Variants in GSE1 observed in about 807,000 individuals in gnomAD.
The protein encoded by GSE1 is Gse1 coiled-coil protein.
Under a neutral mutation model 112.6 loss-of-function variants are expected in GSE1, and 32 were observed. The ratio of observed to expected loss-of-function variants is 0.28; its 90% CI spans 0.21 to 0.38. The LOEUF (loss-of-function observed/expected upper bound fraction) is 0.38. Among genes scored for constraint, GSE1 ranks in the 10% least tolerant of loss-of-function variants. GSE1 has a pLI of 1.00. For synonymous variants in GSE1, 1,115 were observed against 735.6 expected, an observed-to-expected ratio of 1.52 and a Z score of -8.35; for missense variants, 2,348 against 1,699.2, an observed-to-expected ratio of 1.38 and a Z score of -6.71.
chr16:85,589,566 C>T lies in GSE1; in HGVS notation c.37+33203C>T, dbSNP rs573275346. Among the ~76,000 whole-genome samples the T allele has an allele frequency of 1.0e-3, 154 of 152,318 alleles. No homozygotes were observed. The Middle Eastern group carries it at 0.01, about 10-fold the overall frequency. On this transcript the variant is annotated intron_variant, in intron 1 of 2. Transcript: ENST00000635906. ...GTTTACCAGCTCTCCAAGTGAATAACATTTCTGAAGCATCGTGCCTGAGCA... is the reference window on the plus strand; with the variant it reads ...GTTTACCAGCTCTCCAAGTGAATAATATTTCTGAAGCATCGTGCCTGAGCA...
intron 1 of GSE1, among the ~76,000 whole-genome samples, chr16:85,331,355 G>GTATATATATATGTATATATATA (rs1467067903): frequency 3.7e-4 from 21 of 57,368 alleles, no homozygotes; most frequent in South Asian, 6.6e-4. Context: ...GTGTGTGTGT[G>GTATATATATATGTATATATATA]TGTGTGTGTG....
At chr16:85,623,678 A>C (rs1249251081) in intron 1 of GSE1, among the ~76,000 whole-genome samples, 2 of 152,086 alleles carry the variant, frequency 1.3e-5, no homozygotes, top group East Asian at 3.9e-4. Context: ...AAAGGCGCCC[A>C]TTTCTGCTGG....
intron 1 of GSE1, among the ~76,000 whole-genome samples, chr16:85,317,437 GC>G (rs1200620058): frequency 1.3e-5 from 2 of 152,108 alleles, no homozygotes; most frequent in Non-Finnish European, 2.9e-5. Context: ...TCAGCCAGCA[GC>G]CCCAGGAAGT....
intron 1 of GSE1, among the ~76,000 whole-genome samples, chr16:85,347,589 G>T (rs867936376): frequency 1.2e-5 from 1 of 84,566 alleles, no homozygotes; most frequent in East Asian, 3.1e-4. Flanking sequence ...TGCCCCACCC[G>T]CCCATCCCAC....
chr16:85,413,665 CAAACAGCAATTCA>C (rs2048636439), intron 2 of GSE1, among the ~76,000 whole-genome samples: 2 of 152,126 alleles, frequency 1.3e-5, no homozygotes, highest in Non-Finnish European at 2.9e-5. Context: ...AACTGACCCC[CAAACAGCAATTCA>C]AAAAGGGGGT....
At chr16:85,354,213 T>A (rs1281778481) in intron 1 of GSE1, among the ~76,000 whole-genome samples, 3 of 152,180 alleles carry the variant, frequency 2.0e-5, no homozygotes, top group African/African-American at 7.2e-5. Flanking sequence ...CATCTTCTGT[T>A]CTCTACTGAA....
intron 1 of GSE1, among the ~76,000 whole-genome samples, chr16:85,563,139 G>A (rs983071676): frequency 3.3e-5 from 5 of 151,936 alleles, no homozygotes; most frequent in African/African-American, 9.7e-5. Context: ...GTTCGGGGGT[G>A]AGGGAATCAA....
chr16:85,670,189 C>T (rs891895320), intron 14 of GSE1, among the ~76,000 whole-genome samples: 2 of 152,130 alleles, frequency 1.3e-5, no homozygotes, highest in African/African-American at 4.8e-5. Context: ...GTGATTATTC[C>T]TTAGATCAGA....
chr16:85,524,444 A>C (rs2052296993), intron 2 of GSE1, among the ~76,000 whole-genome samples: 1 of 152,134 alleles, frequency 6.6e-6, no homozygotes, highest in Non-Finnish European at 1.5e-5. Context: ...CCTAAATGCC[A>C]GCACGGCTGC....
At chr16:85,280,521 G>A (rs563386241) in intron 1 of GSE1, among the ~76,000 whole-genome samples, 3 of 152,034 alleles carry the variant, frequency 2.0e-5, no homozygotes, top group Admixed American at 6.6e-5. Context: ...TCAGCCTCTC[G>A]AGTAGCTGGG....
intron 1 of GSE1, among the ~76,000 whole-genome samples, chr16:85,252,254 A>G (rs1378066132): frequency 6.6e-6 from 1 of 151,554 alleles, no homozygotes; most frequent in African/African-American, 2.4e-5. Flanking sequence ...GCCTGTCACT[A>G]TCTCCATGCG....
chr16:85,377,516 G>A (rs1046699832), intron 2 of GSE1, among the ~76,000 whole-genome samples: 11 of 152,238 alleles, frequency 7.2e-5, no homozygotes, highest in Admixed American at 5.9e-4. Context: ...TCTGAATGAA[G>A]GAAGGACTGA....
At chr16:85,171,256 C>G in exon 1 of GSE1, 3 of 985,628 alleles carry the variant, frequency 3.0e-6, no homozygotes, top group African/African-American at 1.7e-5. Context: ...CGACCCTGCC[C>G]TCTCCGAGCT....
chr16:85,319,925 T>A (rs935409941), intron 1 of GSE1, among the ~76,000 whole-genome samples: 1 of 152,194 alleles, frequency 6.6e-6, no homozygotes, highest in Non-Finnish European at 1.5e-5. Context: ...GTTGAGTCCA[T>A]GGGTAAGCTT....
intron 2 of GSE1, among the ~76,000 whole-genome samples, chr16:85,476,219 A>T (rs12448674): frequency 0.65 from 99,514 of 152,178 alleles, 32,952 homozygotes; most frequent in Middle Eastern, 0.79. Context: ...GGCGTCAGCC[A>T]CCGTGCCTCA....
chr16:85,397,419 G>T (rs971273295), intron 2 of GSE1, among the ~76,000 whole-genome samples: 2 of 152,234 alleles, frequency 1.3e-5, no homozygotes, highest in Non-Finnish European at 2.9e-5. Context: ...AAGGCAGAGT[G>T]CATGGCACGT....
intron 1 of GSE1, among the ~76,000 whole-genome samples, chr16:85,336,412 C>T (rs942493786): frequency 6.6e-6 from 1 of 152,186 alleles, no homozygotes; most frequent in Non-Finnish European, 1.5e-5. Context: ...TTCAGAGATG[C>T]CGACCAGTCG....
At position 85,673,393 on chromosome 16, in the gene GSE1, C is replaced by T. The variant is rs2053494135; in HGVS notation, c.*854C>T. On this transcript the variant is annotated 3_prime_UTR_variant, in exon 16 of 16. Transcript: ENST00000253458. ...TACTTTAACTATTGTTATAAAAAGC[C>T]TGCCATTTTTAATATGTGGTTTGGG... 1 of 148,098 alleles carries T rather than the reference C, an allele frequency of 6.8e-6. No homozygotes were observed. The highest frequency in any genetic ancestry group is 1.5e-5 in the Non-Finnish European group (1 of 67,426). The allele number at this position is 148,098 out of a possible 1,614,324, so 9.2% of individuals were successfully genotyped here.
chr16:85,378,661 C>G (rs1426452221), intron 2 of GSE1, among the ~76,000 whole-genome samples: 1 of 152,214 alleles, frequency 6.6e-6, no homozygotes, highest in African/African-American at 2.4e-5. Flanking sequence ...GCTGACCCAT[C>G]TTAGAGACCA....
Sources: allele counts gnomAD v4.1 joint callset (sites outside exome capture counted in the v4.1 genomes callset), GRCh38; gene constraint gnomAD v4.1.1; transcripts MANE v1.5; gene names NCBI Gene and HGNC (gene_info 2026-07-23, HGNC 2026-07-21).